The following IGSF21 variants were observed in gnomAD, a reference collection of about 807,000 sequenced individuals.
IGSF21 encodes the protein immunoglobulin superfamily member 21.
A neutral mutation model predicts 46.8 loss-of-function variants in IGSF21; 28 were observed. The observed-to-expected ratio is 0.60, with a 90% CI of 0.44 to 0.82. The LOEUF (loss-of-function observed/expected upper bound fraction) is 0.82. IGSF21 is among the 40% of genes least tolerant of loss of function. IGSF21 has a pLI of 0.00. For missense variants in IGSF21, 624 were observed against 665.5 expected (o/e 0.94, Z 0.69); for synonymous variants, 284 against 273.6 (o/e 1.04, Z -0.38).
chr1:18,194,908 A>G (rs1388078607), intron 1 of IGSF21, among the ~76,000 whole-genome samples: 1 of 152,204 alleles, frequency 6.6e-6, no homozygotes, highest in Non-Finnish European at 1.5e-5. Flanking sequence ...AGGCCTCACA[A>G]TCATGGTGGA....
At chr1:18,237,127 C>G (rs1415119160) in intron 2 of IGSF21, among the ~76,000 whole-genome samples, 1 of 152,186 alleles carries the variant, frequency 6.6e-6, no homozygotes, top group Non-Finnish European at 1.5e-5. Context: ...CTTAGCCTTT[C>G]AATCTGGGAC....
chr1:18,315,515 C>G lies in IGSF21; in HGVS notation c.306-19377C>G, dbSNP rs536014854. ...ACCATTGAGTGGCACATGCTAGACA[C>G]TCAGTGTAGAATTGTTGGATGAGTG... On this transcript the variant is annotated intron_variant, in intron 3 of 9. Coordinates refer to ENST00000251296, the MANE Select transcript of IGSF21 (RefSeq NM_032880.5). Among the ~76,000 whole-genome samples the G allele has an allele frequency of 4.0e-5, 6 of 151,480 alleles. No individual in the cohort carries two copies. In the South Asian group the frequency reaches 1.3e-3, roughly 32 times the overall value.
chr1:18,124,332 T>C (rs2086258015), intron 1 of IGSF21, among the ~76,000 whole-genome samples: 1 of 152,200 alleles, frequency 6.6e-6, no homozygotes, highest in Non-Finnish European at 1.5e-5. Context: ...CTAAAATCTT[T>C]GCAACCGCTC....
chr1:18,303,262 A>C (rs1039876602), intron 3 of IGSF21, among the ~76,000 whole-genome samples: 1 of 152,180 alleles, frequency 6.6e-6, no homozygotes, highest in Non-Finnish European at 1.5e-5. Context: ...TGTTTGATCA[A>C]ACCCTAGCAA....
chr1:18,216,110 G>C (rs2084442860), intron 1 of IGSF21, among the ~76,000 whole-genome samples: 1 of 152,218 alleles, frequency 6.6e-6, no homozygotes, highest in South Asian at 2.1e-4. Flanking sequence ...ATGAGCTCAG[G>C]AGAGGGTGTA....
intron 3 of IGSF21, among the ~76,000 whole-genome samples, chr1:18,328,492 C>T (rs1165998966): frequency 6.6e-6 from 1 of 152,170 alleles, no homozygotes; most frequent in Non-Finnish European, 1.5e-5. Context: ...CATTGTGAGT[C>T]GGGGACCTTC....
At chr1:18,118,235 G>A (rs1274160667) in intron 1 of IGSF21, among the ~76,000 whole-genome samples, 2 of 152,160 alleles carry the variant, frequency 1.3e-5, no homozygotes, top group East Asian at 1.9e-4. Context: ...GTCACCAGTC[G>A]TTGGTGCTTC....
chr1:18,144,694 C>T (rs1230010425), intron 1 of IGSF21, among the ~76,000 whole-genome samples: 2 of 151,824 alleles, frequency 1.3e-5, no homozygotes, highest in Non-Finnish European at 2.9e-5. Context: ...AGCCAGAGCA[C>T]GTTGCTGATC....
intron 1 of IGSF21, among the ~76,000 whole-genome samples, chr1:18,218,088 G>A (rs538672735): frequency 1.3e-5 from 2 of 152,292 alleles, no homozygotes; most frequent in Non-Finnish European, 1.5e-5. Flanking sequence ...CCTGAGCCTG[G>A]GTAATTTATA....
intron 1 of IGSF21, among the ~76,000 whole-genome samples, chr1:18,191,378 C>T (rs2086954865): frequency 6.6e-6 from 1 of 152,102 alleles, no homozygotes; most frequent in Admixed American, 6.5e-5. Context: ...AAAGGATAAG[C>T]CTGCATGTGG....
At chr1:18,212,094 A>T (rs2084398392) in intron 1 of IGSF21, among the ~76,000 whole-genome samples, 1 of 152,204 alleles carries the variant, frequency 6.6e-6, no homozygotes, top group South Asian at 2.1e-4. Context: ...AGCTGCAGGG[A>T]GCTGGAGCAT....
rs1023368356 is a variant in IGSF21 at position 18,108,318 on chromosome 1, C to T, written c.70+120C>T. Reference sequence around the variant, plus strand: ...TCGGGCTACGAGCACCGGTCCTGCCCGGGGTCTGTGGAGCTGGTTGGCTCG... The same window carrying T: ...TCGGGCTACGAGCACCGGTCCTGCCTGGGGTCTGTGGAGCTGGTTGGCTCG... On this transcript the variant is annotated intron_variant, in intron 1 of 9. Coordinates refer to ENST00000251296, the MANE Select transcript of IGSF21 (RefSeq NM_032880.5). The T allele has an allele frequency of 9.2e-6, 10 of 1,084,690 alleles. No homozygotes were observed. The Admixed American group carries it at 2.7e-4, about 29-fold the overall frequency. 67.2% of individuals were successfully genotyped at this position (1,084,690 alleles called of 1,614,324 possible). A position where few individuals can be genotyped will look rare whatever the true frequency, so the allele number is the denominator to read the frequency against.
At position 18,119,761 on chromosome 1, in the gene IGSF21, GTTT is replaced by G. The variant is rs10562837; in HGVS notation, c.70+11574_70+11576del. On this transcript the variant is annotated intron_variant, in intron 1 of 9. Transcript: ENST00000251296. Reference sequence around the variant, plus strand: ...AGGGGGCAAGGCTTTTAATAACGGTGTTTTTTTTTTTTTCATTGTAATTATTTT... The same window carrying G: ...AGGGGGCAAGGCTTTTAATAACGGTGTTTTTTTTTTCATTGTAATTATTTT... Among the ~76,000 whole-genome samples, 174 of 150,078 alleles carry G rather than the reference GTTT, an allele frequency of 1.2e-3. 3 individuals are homozygous for G. Among genetic ancestry groups the G allele is most frequent in the East Asian group, 8.0e-3 (41 of 5,128 alleles).
At chr1:18,332,099 T>C (rs1276964890) in intron 3 of IGSF21, among the ~76,000 whole-genome samples, 1 of 152,228 alleles carries the variant, frequency 6.6e-6, no homozygotes, top group Non-Finnish European at 1.5e-5. Context: ...GTCACCTACA[T>C]GTGTCACCCA....
intron 3 of IGSF21, among the ~76,000 whole-genome samples, chr1:18,328,886 C>CGTGTG (rs1232344177): frequency 6.6e-6 from 1 of 152,152 alleles, no homozygotes; most frequent in African/African-American, 2.4e-5. Flanking sequence ...GCTGTAAACT[C>CGTGTG]GTGTGGGGCG....
chr1:18,362,883 GT>G (rs1249215609), intron 5 of IGSF21, among the ~76,000 whole-genome samples: 1 of 152,128 alleles, frequency 6.6e-6, no homozygotes, highest in Non-Finnish European at 1.5e-5. Context: ...GAGAGCTGGG[GT>G]CCTGGCCCTG....
chr1:18,108,554 G>C (rs969181427), intron 1 of IGSF21, among the ~76,000 whole-genome samples: 1 of 151,778 alleles, frequency 6.6e-6, no homozygotes, highest in African/African-American at 2.4e-5. Context: ...AGTGAGCGAG[G>C]GTCTGGATGG....
intron 5 of IGSF21, among the ~76,000 whole-genome samples, chr1:18,363,719 G>A (rs1452643405): frequency 6.6e-6 from 1 of 151,744 alleles, no homozygotes; most frequent in African/African-American, 2.4e-5. Context: ...AGACACAGGT[G>A]GGGTGATGGG....
intron 1 of IGSF21, among the ~76,000 whole-genome samples, chr1:18,207,662 C>G (rs2084343163): frequency 6.6e-6 from 1 of 152,158 alleles, no homozygotes; most frequent in Admixed American, 6.5e-5. Flanking sequence ...CACTGGGGAG[C>G]TGAAACTAAT....
Sources: gnomAD v4.1 joint callset for allele counts (sites outside exome capture counted in the v4.1 genomes callset) on GRCh38, gnomAD v4.1.1 for gene constraint, MANE v1.5 for transcripts, NCBI Gene and HGNC (gene_info 2026-07-23, HGNC 2026-07-21) for gene names.